Variants in CBFA2T3 observed in about 807,000 individuals in gnomAD.
CBFA2T3 encodes the protein CBFA2/RUNX1 partner transcriptional co-repressor 3.
In CBFA2T3, 31 loss-of-function variants were observed where a neutral mutation model predicts 58.6. That is an observed-to-expected ratio of 0.53 (90% confidence interval 0.40 to 0.71). The LOEUF is 0.71. Ranked by LOEUF, CBFA2T3 falls within the 30% of genes least tolerant of loss-of-function variation. The pLI, the probability that CBFA2T3 is intolerant of heterozygous loss-of-function variation, is 0.00. For synonymous variants in CBFA2T3, 531 were observed against 421.9 expected (o/e 1.26, Z -3.17); for missense variants, 1,076 against 963.1 (o/e 1.12, Z -1.55).
rs576047731 is a variant in CBFA2T3, at chr16:88,929,580, A to C, written c.152-27924T>G. On this transcript the variant is annotated intron_variant, in intron 1 of 11. Coordinates refer to ENST00000268679, the MANE Select transcript of CBFA2T3 (RefSeq NM_005187.6). ...CCACGCAAAAGCTACCAATACCCACATCTGCATCACCCACGCAAAAGTCAC... is the reference window on the plus strand; with the variant it reads ...CCACGCAAAAGCTACCAATACCCACCTCTGCATCACCCACGCAAAAGTCAC... 7.2e-5 allele frequency among the ~76,000 whole-genome samples: 11 copies of C among 152,310 alleles called. No homozygotes were observed. In the South Asian group the frequency reaches 8.3e-4, roughly 11 times the overall value.
At chr16:88,919,396 C>A (rs1970839987) in intron 1 of CBFA2T3, among the ~76,000 whole-genome samples, 1 of 152,202 alleles carries the variant, frequency 6.6e-6, no homozygotes, top group Non-Finnish European at 1.5e-5. Context: ...GTAAATATGG[C>A]CTTGCTGAGA....
chr16:88,952,990 TGTGTCGAGACGGCATGTCCC>T (rs1972119466), intron 1 of CBFA2T3, among the ~76,000 whole-genome samples: 13 of 121,078 alleles, frequency 1.1e-4, no homozygotes, highest in Non-Finnish European at 1.6e-4. Flanking sequence ...ACGCAGGGCC[TGTGTCGAGACGGCATGTCCC>T]GCCATCGGGT....
chr16:88,927,989 CCT>C (rs1971140089), intron 1 of CBFA2T3, among the ~76,000 whole-genome samples: 1 of 152,214 alleles, frequency 6.6e-6, no homozygotes, highest in South Asian at 2.1e-4. Flanking sequence ...CTCACGGAGG[CCT>C]CTGTCCACAG....
intron 1 of CBFA2T3, among the ~76,000 whole-genome samples, chr16:88,974,784 G>A (rs565703595): frequency 1.3e-5 from 2 of 151,988 alleles, no homozygotes; most frequent in Admixed American, 6.5e-5. Context: ...CATGGCCCCC[G>A]CTCCTCCAGC....
intron 1 of CBFA2T3, among the ~76,000 whole-genome samples, chr16:88,969,364 G>A (rs899656189): frequency 1.3e-5 from 2 of 152,340 alleles, no homozygotes; most frequent in African/African-American, 4.8e-5. Flanking sequence ...GCTCCCTCCC[G>A]GCTGGTGCCT....
intron 1 of CBFA2T3, among the ~76,000 whole-genome samples, chr16:88,902,019 CG>C (rs1183954551): frequency 1.3e-5 from 2 of 152,200 alleles, no homozygotes; most frequent in Admixed American, 1.3e-4. Context: ...GAGCATCCCC[CG>C]GGGGGTGTTC....
intron 2 of CBFA2T3, among the ~76,000 whole-genome samples, chr16:88,901,017 C>T (rs1177827447): frequency 6.6e-6 from 1 of 152,262 alleles, no homozygotes; most frequent in African/African-American, 2.4e-5. Context: ...TGAGCCCCTC[C>T]AAGGCCAGAG....
chr16:88,932,174 G>A (rs535854747), intron 1 of CBFA2T3, among the ~76,000 whole-genome samples: 112 of 133,752 alleles, frequency 8.4e-4, no homozygotes, highest in African/African-American at 3.6e-3. Flanking sequence ...CACGGCCCCT[G>A]CTTCCCCCTC....
rs1274779737 is a variant in CBFA2T3 at position 88,892,184 on chromosome 16, C to A, written c.621+60G>T. ...ATGTAAGGAGTGGCCGTGGCTGCAA[C>A]CTCATTAAACGGAGGGAATATGCAT... On this transcript the variant is annotated intron_variant, in intron 4 of 11. Transcript: ENST00000268679. 24 of 1,564,458 alleles carry A rather than the reference C, an allele frequency of 1.5e-5. 1 individual carries two copies. In the South Asian group the frequency reaches 2.2e-4, roughly 14 times the overall value.
At chr16:88,893,084 T>A (rs1437894390) in intron 3 of CBFA2T3, among the ~76,000 whole-genome samples, 1 of 152,082 alleles carries the variant, frequency 6.6e-6, no homozygotes, top group East Asian at 1.9e-4. Context: ...AAATGAGAAG[T>A]CGCTCATCCC....
intron 1 of CBFA2T3, among the ~76,000 whole-genome samples, chr16:88,935,374 G>C (rs1304187860): frequency 2.6e-5 from 4 of 152,352 alleles, no homozygotes; most frequent in Admixed American, 6.5e-5. Context: ...CCACCTGCGT[G>C]GGGACCCTGG....
At position 88,877,201 on chromosome 16, in the gene CBFA2T3, G is replaced by T. The variant is rs56303879; in HGVS notation, c.1737C>A (p.Phe579Leu). Residue 579 changes from phenylalanine (F) to leucine (L), a missense_variant, in exon 12 of 12, where the codon TTC becomes TTA. Transcript: ENST00000268679. ...GCTTCTCCCAGTCCCGATGCTGGCA[G>T]AAGGACCCGCAGTAGCGTGCCGCGT... is the stretch of plus-strand genomic sequence containing the variant. Reference protein sequence around the residue: ...GCNAARYCGSFCQHRDWEKHH... With the variant: ...GCNAARYCGSLCQHRDWEKHH... 1 of 1,556,004 alleles carries T rather than the reference G, an allele frequency of 6.4e-7. No homozygotes were observed. Among genetic ancestry groups the T allele is most frequent in the South Asian group, 1.2e-5 (1 of 84,406 alleles).
Position 88,901,767 on chromosome 16 carries a change from G to A in CBFA2T3, c.152-111C>T, listed in dbSNP as rs551586875. On this transcript the variant is annotated intron_variant, in intron 1 of 11. Transcript: ENST00000268679. Reference sequence around the variant, plus strand: ...CCCCACTGAGTGTCCGCCCAGCGCTGGGGCAGTCTGCCCCAGGTGTCCTGA... The same window carrying A: ...CCCCACTGAGTGTCCGCCCAGCGCTAGGGCAGTCTGCCCCAGGTGTCCTGA... The A allele has an allele frequency of 1.0e-4, 99 of 963,730 alleles. No individual in the cohort carries two copies. In the African/African-American group the frequency reaches 1.3e-3, roughly 13 times the overall value. The allele number at this position is 963,730 out of a possible 1,614,324, so 59.7% of individuals were successfully genotyped here.
intron 1 of CBFA2T3, among the ~76,000 whole-genome samples, chr16:88,909,638 C>T (rs1970464009): frequency 8.2e-6 from 1 of 122,130 alleles, no homozygotes; most frequent in Admixed American, 8.2e-5. Flanking sequence ...TTCAGAATCA[C>T]ACGGTCCCAC....
chr16:88,966,756 C>T (rs1011585814), intron 1 of CBFA2T3, among the ~76,000 whole-genome samples: 8 of 152,100 alleles, frequency 5.3e-5, no homozygotes, highest in South Asian at 4.1e-4. Context: ...GGGTGGGGGG[C>T]GTCTCCAGTG....
rs531356829 is a variant in CBFA2T3 at position 88,874,951 on chromosome 16, C to T, written c.*2025G>A. On this transcript the variant is annotated 3_prime_UTR_variant, in exon 12 of 12. Coordinates refer to ENST00000268679, the MANE Select transcript of CBFA2T3 (RefSeq NM_005187.6). ...CAAAGACTATATACATTCACATTAA[C>T]GTACACGCTCAGCTTCAGGCCTCTG... The T allele has an allele frequency of 2.6e-5, 6 of 233,164 alleles. No individual in the cohort carries two copies. Among genetic ancestry groups the T allele is most frequent in the South Asian group, 1.8e-4 (1 of 5,578 alleles). The allele number at this position is 233,164 out of a possible 1,614,324, so 14.4% of individuals were successfully genotyped here. A position where few individuals can be genotyped will look rare whatever the true frequency, so the allele number is the denominator to read the frequency against.
Position 88,953,334 on chromosome 16 carries a change from C to T in CBFA2T3, c.151+23323G>A, listed in dbSNP as rs1310505879. Among the ~76,000 whole-genome samples, 1 of 152,156 alleles carries T rather than the reference C, an allele frequency of 6.6e-6. No homozygotes were observed. Among genetic ancestry groups the T allele is most frequent in the African/African-American group, 2.4e-5 (1 of 41,420 alleles). ...CCAGTGGTGAAGGTTCACGGAAGAA[C>T]GAAGGAAGGAGTGAGCGTGGGGAGA... is the stretch of plus-strand genomic sequence containing the variant. On this transcript the variant is annotated intron_variant, in intron 1 of 11. Coordinates refer to ENST00000268679, the MANE Select transcript of CBFA2T3 (RefSeq NM_005187.6). The surrounding 1 kb of genome is among the most constrained non-coding windows in gnomAD (Gnocchi z 4.9).
At position 88,877,154 on chromosome 16, in the gene CBFA2T3, C is replaced by T; in HGVS notation, c.1784G>A (p.Ser595Asn). The T allele has an allele frequency of 6.4e-7, 1 of 1,551,290 alleles. No individual in the cohort carries two copies. The highest frequency in any genetic ancestry group is 8.7e-7 in the Non-Finnish European group (1 of 1,147,970). The change falls in exon 12 of 12, where the codon AGC becomes AAC. Residue 595 changes from serine (S) to asparagine (N), a missense_variant. Ser to Asn is a conservative substitution (Grantham distance 46). Coordinates refer to ENST00000268679, the MANE Select transcript of CBFA2T3 (RefSeq NM_005187.6). The stretch of plus-strand genomic sequence containing the variant: ...CACCACGGCTGTGGGGCCCTGCAGG[C>T]TCTGGCCACACACGTGGTGATGCTT... ...WEKHHHVCGQ[S>N]LQGPTAVVAD...
intron 1 of CBFA2T3, among the ~76,000 whole-genome samples, chr16:88,949,443 C>T (rs1206639118): frequency 6.6e-6 from 1 of 151,902 alleles, no homozygotes; most frequent in Admixed American, 6.6e-5. Flanking sequence ...CCTGTAGTCC[C>T]AGCTATTCGG....
Sources: gnomAD v4.1 joint callset for allele counts (sites outside exome capture counted in the v4.1 genomes callset) on GRCh38, gnomAD v4.1.1 for gene constraint, Gnocchi (gnomAD v3.1) non-coding constraint, MANE v1.5 for transcripts, NCBI Gene and HGNC (gene_info 2026-07-23, HGNC 2026-07-21) for gene names.